Variants in NTNG1 observed in about 807,000 individuals in gnomAD.
NTNG1 encodes the protein netrin G1, also known as netrin-G1.
NTNG1 carries 16 observed loss-of-function variants against 54.0 expected under a neutral mutation model. The ratio of observed to expected loss-of-function variants is 0.30; its 90% confidence interval spans 0.20 to 0.45. The LOEUF (loss-of-function observed/expected upper bound fraction) is 0.45. Ranked by LOEUF, NTNG1 falls within the 20% of genes least tolerant of loss-of-function variation. NTNG1 has a pLI of 1.00. For missense variants in NTNG1, 530 were observed against 678.7 expected (o/e 0.78, Z 2.43); for synonymous variants, 255 against 263.1 (o/e 0.97, Z 0.30).
At chr1:107,304,387 T>C (rs897771441) in intron 2 of NTNG1, among the ~76,000 whole-genome samples, 1 of 152,176 alleles carries the variant, frequency 6.6e-6, no homozygotes, top group Non-Finnish European at 1.5e-5. Context: ...AAATCAGTTG[T>C]AACTGAATTT....
intron 2 of NTNG1, among the ~76,000 whole-genome samples, chr1:107,156,419 T>C (rs17505688): frequency 0.051 from 7,744 of 152,166 alleles, 257 homozygotes; most frequent in Non-Finnish European, 0.077. Context: ...AAGGCTATCC[T>C]GATATATGTT....
chr1:107,313,117 G>T (rs781182672), intron 2 of NTNG1, among the ~76,000 whole-genome samples: 15 of 152,046 alleles, frequency 9.9e-5, no homozygotes, highest in Non-Finnish European at 2.1e-4. Flanking sequence ...TCTACTTTGG[G>T]GGGCATTAGT....
chr1:107,187,792 A>G (rs1254610321), intron 2 of NTNG1, among the ~76,000 whole-genome samples: 1 of 152,148 alleles, frequency 6.6e-6, no homozygotes, highest in African/African-American at 2.4e-5. Flanking sequence ...GACACATATG[A>G]TGCAGAAGCA....
At chr1:107,421,263 C>T (rs936924044) in intron 5 of NTNG1, 13 of 677,410 alleles carry the variant, frequency 1.9e-5, no homozygotes, top group Non-Finnish European at 2.9e-5. Flanking sequence ...GGCATGTTGA[C>T]TAATATCAAT....
At chr1:107,186,815 T>G (rs1248408794) in intron 2 of NTNG1, among the ~76,000 whole-genome samples, 1 of 152,174 alleles carries the variant, frequency 6.6e-6, no homozygotes, top group African/African-American at 2.4e-5. Flanking sequence ...TAACATATTT[T>G]TGAGTTAGCT....
At chr1:107,405,191 A>G (rs1401434388) in intron 4 of NTNG1, among the ~76,000 whole-genome samples, 1 of 152,078 alleles carries the variant, frequency 6.6e-6, no homozygotes, top group Non-Finnish European at 1.5e-5. Context: ...GTATTTGGAC[A>G]TTAAAATAAG....
At chr1:107,264,684 G>A (rs1378985344) in intron 2 of NTNG1, among the ~76,000 whole-genome samples, 1 of 151,992 alleles carries the variant, frequency 6.6e-6, no homozygotes, top group Non-Finnish European at 1.5e-5. Flanking sequence ...CATTTTCTCT[G>A]TTTACATTAG....
chr1:107,305,615 C>A (rs904180690), intron 2 of NTNG1, among the ~76,000 whole-genome samples: 10 of 151,316 alleles, frequency 6.6e-5, no homozygotes, highest in African/African-American at 2.4e-4. Flanking sequence ...TGTTTAAGTT[C>A]TTTGTAAATT....
intron 2 of NTNG1, among the ~76,000 whole-genome samples, chr1:107,229,803 G>A (rs1660940029): frequency 6.6e-6 from 1 of 151,682 alleles, no homozygotes; most frequent in African/African-American, 2.4e-5. Flanking sequence ...TAGTATTTCT[G>A]CATTTACTGT....
At chr1:107,476,357 C>T (rs914495693) in intron 7 of NTNG1, among the ~76,000 whole-genome samples, 8 of 152,104 alleles carry the variant, frequency 5.3e-5, no homozygotes, top group Non-Finnish European at 1.0e-4. Flanking sequence ...TCTTTTGCAA[C>T]AACGACCACC....
intron 3 of NTNG1, among the ~76,000 whole-genome samples, chr1:107,357,329 G>A (rs1669992817): frequency 6.6e-6 from 1 of 152,156 alleles, no homozygotes; most frequent in African/African-American, 2.4e-5. Context: ...CAGAAAAGAT[G>A]AGCAGGCATG....
intron 5 of NTNG1, among the ~76,000 whole-genome samples, chr1:107,423,066 G>T (rs1479698938): frequency 1.3e-5 from 2 of 151,922 alleles, no homozygotes; most frequent in African/African-American, 4.8e-5. Flanking sequence ...AACCTTAGAG[G>T]GGACTTGGTC....
At chr1:107,166,709 A>T (rs1040066629) in intron 2 of NTNG1, among the ~76,000 whole-genome samples, 1 of 152,094 alleles carries the variant, frequency 6.6e-6, no homozygotes, top group Admixed American at 6.6e-5. Flanking sequence ...TTTTTTATGA[A>T]GATTATCTGA....
At chr1:107,468,559 C>A (rs1558022245) in intron 7 of NTNG1, among the ~76,000 whole-genome samples, 2 of 152,122 alleles carry the variant, frequency 1.3e-5, no homozygotes, top group Admixed American at 6.5e-5. Context: ...CAAAGAACAC[C>A]AAATCCTTTT....
At chr1:107,140,878 C>G (rs1180682086), upstream of NTNG1, 1 of 152,784 alleles carries the variant, frequency 6.5e-6, no homozygotes, top group African/African-American at 2.4e-5. Context: ...GGAGGAGAGC[C>G]GGCGAGCAGG....
At chr1:107,460,406 A>C (rs758040550) in intron 7 of NTNG1, 2 of 518,906 alleles carry the variant, frequency 3.9e-6, no homozygotes, top group Non-Finnish European at 7.7e-6. Context: ...TTTACCAGGC[A>C]GGACAGATTT....
chr1:107,386,165 A>ATT lies in NTNG1; in HGVS notation c.888-8977_888-8976dup, dbSNP rs71098628. Among the ~76,000 whole-genome samples the ATT allele has an allele frequency of 1.5e-3, 177 of 120,768 alleles. 2 individuals are homozygous for ATT. The highest frequency in any genetic ancestry group is 4.3e-3 in the South Asian group (16 of 3,762). 79.2% of individuals were successfully genotyped at this position (120,768 alleles called of 152,430 possible). On this transcript the variant is annotated intron_variant, in intron 3 of 7. Coordinates refer to ENST00000370068, the MANE Select transcript of NTNG1 (RefSeq NM_001113226.3). ...TATATGTGTGTATATATATATATAT[A>ATT]TTTTTTTTTTTTTCTTCCTTTGAAA...
intron 2 of NTNG1, among the ~76,000 whole-genome samples, chr1:107,216,232 A>G (rs1178776609): frequency 6.6e-6 from 1 of 152,140 alleles, no homozygotes; most frequent in African/African-American, 2.4e-5. Flanking sequence ...TCCAGTTCTC[A>G]GGGGGGATGT....
chr1:107,193,703 C>T (rs549199938), intron 2 of NTNG1, among the ~76,000 whole-genome samples: 4 of 151,960 alleles, frequency 2.6e-5, no homozygotes, highest in East Asian at 1.9e-4. Context: ...TTAATGCCAC[C>T]GTCTTAGTTC....
Sources: gnomAD v4.1 joint callset for allele counts (sites outside exome capture counted in the v4.1 genomes callset) on GRCh38, gnomAD v4.1.1 for gene constraint, MANE v1.5 for transcripts, NCBI Gene and HGNC (gene_info 2026-07-23, HGNC 2026-07-21) for gene names.